Variants in MDN1 observed in about 807,000 individuals in gnomAD.
MDN1 encodes midasin.
Under a neutral mutation model 669.2 loss-of-function variants are expected in MDN1, and 266 were observed. The observed-to-expected ratio is 0.40, with a 90% CI of 0.36 to 0.44. The LOEUF (loss-of-function observed/expected upper bound fraction) is 0.44. Ranked by LOEUF, MDN1 falls within the 20% of genes least tolerant of loss-of-function variation. MDN1 has a pLI of 1.00. For synonymous variants in MDN1, 2,385 were observed against 2,457.1 expected (o/e 0.97, Z 0.87); for missense variants, 5,940 against 6,754.0 (o/e 0.88, Z 4.22).
At chr6:89,779,180 C>T (rs1320346897) in intron 11 of MDN1, among the ~76,000 whole-genome samples, 1 of 152,054 alleles carries the variant, frequency 6.6e-6, no homozygotes, top group African/African-American at 2.4e-5. Flanking sequence ...AAAGAATATA[C>T]CCTACTCATT....
At chr6:89,704,013 CAAAAA>C (rs60168431) in intron 53 of MDN1, among the ~76,000 whole-genome samples, 1 of 104,002 alleles carries the variant, frequency 9.6e-6, no homozygotes. Flanking sequence ...AACTCCGTCT[CAAAAA>C]AAAAAAAAAA....
chr6:89,707,897 T>C (rs961059766), intron 51 of MDN1, among the ~76,000 whole-genome samples: 1 of 152,060 alleles, frequency 6.6e-6, no homozygotes, highest in East Asian at 1.9e-4. Context: ...AGTATGGAGG[T>C]GCTATTATGT....
rs1361509614 is a variant in MDN1 at position 89,668,051 on chromosome 6, A to G, written c.14057T>C (p.Met4686Thr). The change falls in exon 84 of 102, where the codon ATG becomes ACG. Residue 4686 changes from methionine to threonine, a missense_variant. By Grantham distance (81) the Met-to-Thr change is moderately conservative (BLOSUM62 -1). Coordinates refer to ENST00000369393, the MANE Select transcript of MDN1 (RefSeq NM_014611.3). ...TCCGATCTGGTCACTCACATCCTTC[A>G]TGCCCTCGCCTTCTCCAATTCCACC... ...EGGGIGEGEG[M>T]KDVSDQIGNE... The G allele has an allele frequency of 1.2e-6, 2 of 1,614,118 alleles. No individual in the cohort carries two copies. The highest frequency in any genetic ancestry group is 1.7e-6 in the Non-Finnish European group (2 of 1,179,988).
intron 87 of MDN1, 84 bp downstream of exon 87, chr6:89,662,003 T>A (rs1256160784): frequency 7.4e-6 from 11 of 1,488,274 alleles, no homozygotes; most frequent in Non-Finnish European, 9.9e-6. Flanking sequence ...GGGGAAAAAA[T>A]ATCTTGAGAC....
intron 71 of MDN1, 111 bp downstream of exon 71, chr6:89,684,765 C>T: frequency 1.5e-6 from 1 of 653,830 alleles, no homozygotes; most frequent in East Asian, 2.7e-5. Context: ...GCAATGCTCA[C>T]CTCTATTCCC....
intron 76 of MDN1, 21 bp downstream of exon 76, chr6:89,677,549 A>C: frequency 6.2e-7 from 1 of 1,612,202 alleles, no homozygotes; most frequent in Non-Finnish European, 8.5e-7. Context: ...TAGGGAAAAA[A>C]CAAAACAAAA....
In MDN1 at chr6:89,813,072, C is replaced by G. The variant is rs180997135; in HGVS notation, c.102+6434G>C. On this transcript the variant is annotated intron_variant, in intron 1 of 101. Coordinates refer to ENST00000369393, the MANE Select transcript of MDN1 (RefSeq NM_014611.3). ...TCTCCTGCCTCAGCCTCCCCAGTAGCTGGGATTATAGGCATGCGCCACCAC... is the reference window on the plus strand; with the variant it reads ...TCTCCTGCCTCAGCCTCCCCAGTAGGTGGGATTATAGGCATGCGCCACCAC... Among the ~76,000 whole-genome samples the G allele has an allele frequency of 1.6e-3, 244 of 152,276 alleles. 1 individual carries two copies. Among genetic ancestry groups the G allele is most frequent in the African/African-American group, 5.4e-3 (223 of 41,570 alleles).
At chr6:89,772,839 G>T in intron 13 of MDN1, 118 bp from the exon 14 acceptor site, 1 of 1,124,214 alleles carries the variant, frequency 8.9e-7, no homozygotes, top group Non-Finnish European at 1.2e-6. Flanking sequence ...CACAGTAACT[G>T]TCTTCAAGCT....
chr6:89,768,161 G>A (rs1386077178), intron 15 of MDN1, among the ~76,000 whole-genome samples: 1 of 152,150 alleles, frequency 6.6e-6, no homozygotes, highest in African/African-American at 2.4e-5. Flanking sequence ...CTTGATCTCA[G>A]GAGCTCAAGA....
chr6:89,815,126 C>G (rs1171122751), intron 1 of MDN1: 2 of 393,824 alleles, frequency 5.1e-6, no homozygotes, highest in Non-Finnish European at 1.0e-5. Flanking sequence ...TGCCCCTGAC[C>G]ACTCAGCTAC....
rs1431381501 is a variant in MDN1 at position 89,757,319 on chromosome 6, C to T, written c.2703-929G>A. On this transcript the variant is annotated intron_variant, in intron 19 of 101. Coordinates refer to ENST00000369393, the MANE Select transcript of MDN1 (RefSeq NM_014611.3). ...AAAGGCCTTTTCAAATCATTAGCCT[C>T]ACCCAAAGAGGACTGTGTTCCTAAA... 2.0e-5 allele frequency among the ~76,000 whole-genome samples: 3 copies of T among 152,218 alleles called. No homozygotes were observed. In the East Asian group the frequency reaches 5.8e-4, roughly 29 times the overall value.
rs761527770 is a variant in MDN1 at position 89,655,973 on chromosome 6, G to T, written c.15286-5C>A. 7 of 1,611,252 alleles carry T rather than the reference G, an allele frequency of 4.3e-6. No individual in the cohort carries two copies. The highest frequency in any genetic ancestry group is 5.9e-6 in the Non-Finnish European group (7 of 1,178,794). On this transcript the variant is annotated splice_polypyrimidine_tract_variant and splice_region_variant and intron_variant, in intron 91 of 101. Coordinates refer to ENST00000369393, the MANE Select transcript of MDN1 (RefSeq NM_014611.3). ...CCCAGGTTTCCTCTTAAAACTCTGA[G>T]AAATACAAGGAAATTCATCAGAGCC...
chr6:89,660,383 C>T (rs1562047382), intron 88 of MDN1, among the ~76,000 whole-genome samples: 1 of 151,992 alleles, frequency 6.6e-6, no homozygotes, highest in East Asian at 1.9e-4. Context: ...CAGGGTCTCA[C>T]TATGTTGTTC....
Position 89,743,274 on chromosome 6 carries a change from T to C in MDN1, c.4324A>G (p.Ile1442Val), listed in dbSNP as rs746414179. ...CACTCAAAGAGTCTTGATGTGTCAA[T>C]TTCTTCCTATAATTTGAAAAAGTGG... Reference protein sequence around the residue: ...VRQKPNDKEEIDTSRLFEWHD... With the variant: ...VRQKPNDKEEVDTSRLFEWHD... The change falls in exon 31 of 102, where the codon ATT becomes GTT. Residue 1442 changes from isoleucine to valine, a missense_variant. Physicochemically the swap from Ile to Val is conservative, Grantham distance 29. Coordinates refer to ENST00000369393, the MANE Select transcript of MDN1 (RefSeq NM_014611.3). The C allele has an allele frequency of 2.2e-5, 35 of 1,614,052 alleles. No individual in the cohort carries two copies. The highest frequency in any genetic ancestry group is 2.8e-5 in the Non-Finnish European group (33 of 1,179,996).
chr6:89,678,829 A>C, intron 74 of MDN1, 84 bp from the exon 75 acceptor site: 1 of 1,429,232 alleles, frequency 7.0e-7, no homozygotes, highest in Non-Finnish European at 9.4e-7. Flanking sequence ...AACACCAGGG[A>C]CCTTCTGGAG....
In MDN1 at chr6:89,670,926, G is replaced by A. The variant is rs776150925; in HGVS notation, c.13949C>T (p.Ala4650Val). The A allele has an allele frequency of 6.2e-7, 1 of 1,613,946 alleles. No homozygotes were observed. The highest frequency in any genetic ancestry group is 2.2e-5 in the East Asian group (1 of 44,882). Residue 4650 changes from alanine (A) to valine (V), a missense_variant, in exon 83 of 102, where the codon GCC becomes GTC. Around this residue, in one of 5 missense-constraint regions of MDN1, gnomAD observed 2,280 missense variants for 2,576.3 expected, o/e 0.88. Coordinates refer to ENST00000369393, the MANE Select transcript of MDN1 (RefSeq NM_014611.3). ...CATGTGAACAGTCCTTACCTTCTGG[G>A]CAAGCTCTGTAAAGACCTGGGCAAG... ...SVLAQVFTEL[A>V]QKGFCLPKEF...
intron 33 of MDN1, among the ~76,000 whole-genome samples, chr6:89,734,717 A>AGAGAGAGAGAT (rs1562158045): frequency 9.9e-6 from 1 of 100,514 alleles, no homozygotes; most frequent in Non-Finnish European, 2.0e-5. Context: ...GAGAGAGAGA[A>AGAGAGAGAGAT]CTCCCTGATG....
chr6:89,728,966 T>C lies in MDN1; in HGVS notation c.5314A>G (p.Asn1772Asp). 6.2e-7 allele frequency: 1 copy of C among 1,614,124 alleles called. No individual in the cohort carries two copies. Among genetic ancestry groups the C allele is most frequent in the South Asian group, 1.1e-5 (1 of 91,088 alleles). ...GATAAGTTGATTCTAACAAGGGTAT[T>C]TCCTGAAGCCTTTGCTAATGCTCCC... ...LVGALAKASG[N>D]TLVRINLSEQ... The change falls in exon 36 of 102, where the codon AAT (asparagine) becomes GAT (aspartate). Residue 1772 changes from asparagine (N) to aspartate (D), a missense_variant. By Grantham distance (23) the Asn-to-Asp change is conservative. Transcript: ENST00000369393.
intron 5 of MDN1, among the ~76,000 whole-genome samples, chr6:89,791,875 A>ATTTTTTT (rs66492732): frequency 1.8e-5 from 2 of 114,068 alleles, no homozygotes; most frequent in African/African-American, 3.4e-5. Flanking sequence ...AAAACTTTTA[A>ATTTTTTT]TTTTTTTTTT....
Sources: allele counts gnomAD v4.1 joint callset (sites outside exome capture counted in the v4.1 genomes callset), GRCh38; gene constraint gnomAD v4.1.1; regional missense constraint gnomAD v4.1.1; transcripts MANE v1.5; gene names NCBI Gene and HGNC (gene_info 2026-07-23, HGNC 2026-07-21).